DLGAP2: variants seen among roughly 807,000 people sequenced by gnomAD.
DLGAP2 encodes the protein DLG associated protein 2.
A neutral mutation model predicts 100.3 loss-of-function variants in DLGAP2; 26 were observed. That is an observed-to-expected ratio of 0.26 (90% CI 0.19 to 0.36). DLGAP2 has a LOEUF of 0.36. Ranked by LOEUF, DLGAP2 falls within the 10% of genes least tolerant of loss-of-function variation. DLGAP2 has a pLI of 1.00. For synonymous variants in DLGAP2, 886 were observed against 630.1 expected (o/e 1.41, Z -6.08); for missense variants, 1,858 against 1,453.2 (o/e 1.28, Z -4.53).
At chr8:1,546,842 C>T (rs544687392) in intron 4 of DLGAP2, among the ~76,000 whole-genome samples, 1 of 152,106 alleles carries the variant, frequency 6.6e-6, no homozygotes, top group Non-Finnish European at 1.5e-5. Context: ...GGAGAGCTGG[C>T]AGGCAGGAAT....
rs1175958705 is a variant in DLGAP2, at chr8:1,441,255, T to C, written c.107-60111T>C. Among the ~76,000 whole-genome samples, 3 of 152,208 alleles carry C rather than the reference T, an allele frequency of 2.0e-5. No homozygotes were observed. In the East Asian group the frequency reaches 5.8e-4, roughly 29 times the overall value. ...ATTCTGGCAGATTTAATTATGTATA[T>C]ACTGCTTATCGTTGTATTTTAAAAT... On this transcript the variant is annotated intron_variant, in intron 3 of 14. Coordinates refer to ENST00000637795, the MANE Select transcript of DLGAP2 (RefSeq NM_001346810.2).
intron 6 of DLGAP2, among the ~76,000 whole-genome samples, chr8:1,613,502 C>A (rs7006095): frequency 0.021 from 3,243 of 150,900 alleles, 90 homozygotes; most frequent in African/African-American, 0.066. Flanking sequence ...TGTAACTAAC[C>A]TGCACAATGT....
chr8:1,225,124 C>T (rs1345851512), intron 2 of DLGAP2, among the ~76,000 whole-genome samples: 2 of 152,170 alleles, frequency 1.3e-5, no homozygotes, highest in African/African-American at 2.4e-5. Flanking sequence ...CAAACCAGTG[C>T]GGGAGCGTCC....
At chr8:1,629,205 C>T (rs1168230508) in intron 7 of DLGAP2, among the ~76,000 whole-genome samples, 1 of 152,166 alleles carries the variant, frequency 6.6e-6, no homozygotes, top group Non-Finnish European at 1.5e-5. Flanking sequence ...GGACTTTTTC[C>T]ACTGAACTAT....
At position 1,064,840 on chromosome 8, in the gene DLGAP2, C is replaced by T. The variant is rs2600486; in HGVS notation, c.73+156874C>T. 8.0e-3 allele frequency among the ~76,000 whole-genome samples: 1,225 copies of T among 152,334 alleles called. 16 individuals are homozygous for T. The highest frequency in any genetic ancestry group is 0.028 in the African/African-American group (1,168 of 41,574). On this transcript the variant is annotated intron_variant, in intron 2 of 14. Transcript: ENST00000637795. ...GACAAGCGTGGTCCGTTTCACCCCC[C>T]TCCACCCTGACATGCACACACCTGG... is the stretch of plus-strand genomic sequence containing the variant.
intron 2 of DLGAP2, among the ~76,000 whole-genome samples, chr8:1,207,757 G>C (rs9774081): frequency 0.52 from 78,897 of 151,762 alleles, 21,769 homozygotes; most frequent in African/African-American, 0.71. Flanking sequence ...TATGATCATT[G>C]TTGCAGGAGT....
chr8:1,015,101 GCCTCC>G (rs1801418233), intron 2 of DLGAP2, among the ~76,000 whole-genome samples: 2 of 25,220 alleles, frequency 7.9e-5, no homozygotes, highest in African/African-American at 5.5e-4. Context: ...CAGGACAGAC[GCCTCC>G]ACTGTGTGAG....
chr8:1,569,352 A>G lies in DLGAP2; in HGVS notation c.1442+3458A>G, dbSNP rs1310079137. On this transcript the variant is annotated intron_variant, in intron 6 of 14. Coordinates refer to ENST00000637795, the MANE Select transcript of DLGAP2 (RefSeq NM_001346810.2). Reference sequence around the variant, plus strand: ...CAATCATTCTTTTTCCCTAAATCTGACGCCGTGTTGTAGATAATAAAGCAG... The same window carrying G: ...CAATCATTCTTTTTCCCTAAATCTGGCGCCGTGTTGTAGATAATAAAGCAG... 3.3e-5 allele frequency among the ~76,000 whole-genome samples: 5 copies of G among 152,338 alleles called. No homozygotes were observed. The South Asian group carries it at 6.2e-4, about 19-fold the overall frequency.
At chr8:1,264,635 T>G (rs143267539) in intron 3 of DLGAP2, among the ~76,000 whole-genome samples, 14 of 152,248 alleles carry the variant, frequency 9.2e-5, no homozygotes, top group Non-Finnish European at 1.3e-4. Context: ...TCACAAACTA[T>G]GTACACAGAA....
At chr8:1,662,777 T>G (rs1198207988) in intron 8 of DLGAP2, among the ~76,000 whole-genome samples, 2 of 151,860 alleles carry the variant, frequency 1.3e-5, no homozygotes, top group African/African-American at 2.4e-5. Context: ...GAGTGTGGGG[T>G]GTGTGTGTAC....
rs144933645 is a variant in DLGAP2 at position 971,072 on chromosome 8, A to G, written c.73+63106A>G. Among the ~76,000 whole-genome samples the G allele has an allele frequency of 1.2e-3, 182 of 152,332 alleles. 1 individual carries two copies. Among genetic ancestry groups the G allele is most frequent in the African/African-American group, 4.2e-3 (173 of 41,584 alleles). On this transcript the variant is annotated intron_variant, in intron 2 of 14. Transcript: ENST00000637795. Reference sequence around the variant, plus strand: ...AATGGTAACTTGAAAACCTGGGAGTATGAATGAAAATTCAGGACTTATTTA... The same window carrying G: ...AATGGTAACTTGAAAACCTGGGAGTGTGAATGAAAATTCAGGACTTATTTA...
chr8:881,444 T>A (rs1325167794), intron 1 of DLGAP2, among the ~76,000 whole-genome samples: 1 of 150,652 alleles, frequency 6.6e-6, no homozygotes, highest in Non-Finnish European at 1.5e-5. Flanking sequence ...CCAATAGAAA[T>A]AAATGCAAAA....
chr8:1,350,103 T>G (rs1385771633), intron 3 of DLGAP2, among the ~76,000 whole-genome samples: 1 of 152,244 alleles, frequency 6.6e-6, no homozygotes, highest in African/African-American at 2.4e-5. Context: ...TATTCATATT[T>G]GTAAAATCAG....
chr8:1,413,490 A>G (rs1361095792), intron 3 of DLGAP2, among the ~76,000 whole-genome samples: 6 of 152,244 alleles, frequency 3.9e-5, no homozygotes, highest in Admixed American at 2.0e-4. Context: ...GATTCTCAAA[A>G]AGTTGTAGAT....
At chr8:1,663,838 G>A (rs548773513) in intron 8 of DLGAP2, among the ~76,000 whole-genome samples, 36 of 152,244 alleles carry the variant, frequency 2.4e-4, no homozygotes, top group African/African-American at 4.3e-4. Flanking sequence ...AAGAGAGAAC[G>A]GCAGAATGGT....
chr8:846,474 T>A (rs962210839), intron 1 of DLGAP2, among the ~76,000 whole-genome samples: 3 of 152,242 alleles, frequency 2.0e-5, no homozygotes, highest in African/African-American at 7.2e-5. Context: ...GATTCCACTT[T>A]TATGGCTGAA....
At chr8:1,285,635 C>T (rs182477217) in intron 3 of DLGAP2, among the ~76,000 whole-genome samples, 13 of 152,248 alleles carry the variant, frequency 8.5e-5, no homozygotes, top group Admixed American at 7.2e-4. Flanking sequence ...GGAAAAAAAG[C>T]TTGTTATAGG....
chr8:1,237,189 G>GTTCTCTCACGTGGTGCCGTGTC (rs1798678950), intron 2 of DLGAP2, among the ~76,000 whole-genome samples: 4 of 122,300 alleles, frequency 3.3e-5, no homozygotes, highest in South Asian at 2.9e-4. Flanking sequence ...GGCGCCGTGT[G>GTTCTCTCACGTGGTGCCGTGTC]TAGTTCTCTC....
At chr8:922,705 A>G (rs1354830290) in intron 2 of DLGAP2, among the ~76,000 whole-genome samples, 1 of 152,220 alleles carries the variant, frequency 6.6e-6, no homozygotes, top group African/African-American at 2.4e-5. Context: ...GAAGTGTCAG[A>G]TAAAGACAGT....
Sources: allele counts gnomAD v4.1 joint callset (sites outside exome capture counted in the v4.1 genomes callset), GRCh38; gene constraint gnomAD v4.1.1; transcripts MANE v1.5; gene names NCBI Gene and HGNC (gene_info 2026-07-23, HGNC 2026-07-21).